CDIN1: variants seen among roughly 807,000 people sequenced by gnomAD.
The protein encoded by CDIN1 is CDAN1 interacting nuclease 1.
In CDIN1, 33 loss-of-function variants were observed where a neutral mutation model predicts 45.3. The observed-to-expected ratio is 0.73, with a 90% CI of 0.55 to 0.97. The LOEUF (loss-of-function observed/expected upper bound fraction) is 0.97. Among genes scored for constraint, CDIN1 ranks in the 50% least tolerant of loss-of-function variants. The pLI is 0.00. For synonymous variants in CDIN1, 118 were observed against 124.4 expected, an observed-to-expected ratio of 0.95 and a Z score of 0.34; for missense variants, 303 against 339.4, an observed-to-expected ratio of 0.89 and a Z score of 0.84.
At chr15:36,767,613 C>G (rs896787102) in intron 10 of CDIN1, among the ~76,000 whole-genome samples, 20 of 152,226 alleles carry the variant, frequency 1.3e-4, no homozygotes, top group Admixed American at 2.6e-4. Flanking sequence ...GCAAAGCCAC[C>G]TGGAAAGCTT....
intron 10 of CDIN1, among the ~76,000 whole-genome samples, chr15:36,761,876 AAT>A (rs2053772640): frequency 6.6e-6 from 1 of 152,192 alleles, no homozygotes; most frequent in African/African-American, 2.4e-5. Flanking sequence ...GAAAAAATAA[AAT>A]AGAGATTGCC....
chr15:36,675,049 C>T (rs894356128), intron 5 of CDIN1, among the ~76,000 whole-genome samples: 3 of 151,990 alleles, frequency 2.0e-5, no homozygotes, highest in Non-Finnish European at 4.4e-5. Context: ...GAAAGAAGTT[C>T]GTGAGGCCAC....
chr15:36,704,685 A>G (rs527502391), intron 8 of CDIN1: 2 of 152,174 alleles, frequency 1.3e-5, no homozygotes, highest in African/African-American at 2.4e-5. Context: ...AAGATGCACT[A>G]GGTGTTAATA....
chr15:36,611,068 A>G (rs896446162), intron 1 of CDIN1, among the ~76,000 whole-genome samples: 3 of 152,218 alleles, frequency 2.0e-5, no homozygotes, highest in African/African-American at 7.2e-5. Flanking sequence ...TATCTGCATA[A>G]CATTCTGTAG....
At chr15:36,623,822 G>A (rs925074228) in intron 1 of CDIN1, among the ~76,000 whole-genome samples, 2 of 152,186 alleles carry the variant, frequency 1.3e-5, no homozygotes, top group South Asian at 2.1e-4. Flanking sequence ...TGACATACTG[G>A]TTCTTGAAAG....
chr15:36,691,591 C>A, intron 5 of CDIN1, 94 bp from the exon 6 acceptor site: 1 of 713,652 alleles, frequency 1.4e-6, no homozygotes, highest in South Asian at 2.3e-5. Context: ...TTTTTGTTTT[C>A]ATGGTTTGTG....
At chr15:36,682,928 A>G (rs889932445) in intron 5 of CDIN1, among the ~76,000 whole-genome samples, 1 of 152,198 alleles carries the variant, frequency 6.6e-6, no homozygotes, top group Non-Finnish European at 1.5e-5. Flanking sequence ...AACAGACACA[A>G]TAACATGGGA....
At chr15:36,612,904 C>T (rs770448547) in intron 1 of CDIN1, among the ~76,000 whole-genome samples, 2 of 152,046 alleles carry the variant, frequency 1.3e-5, no homozygotes, top group East Asian at 1.9e-4. Flanking sequence ...CAGTATTTGT[C>T]GATATCTCTT....
At position 36,645,278 on chromosome 15, in the gene CDIN1, A is replaced by G. The variant is rs1472693896; in HGVS notation, c.203A>G (p.Tyr68Cys). The stretch of plus-strand genomic sequence containing the variant: ...CATACTTCGGAAGCAATTGAAAGTT[A>G]TTACCAGAGGTATGACCTTCCTGCC... ...KHHTSEAIES[Y>C]YQRYLNGVVK... The change falls in exon 3 of 11, where the codon TAT (tyrosine) becomes TGT (cysteine). Residue 68 changes from tyrosine to cysteine, a missense_variant. Physicochemically the swap from Tyr to Cys is radical, Grantham distance 194. Transcript: ENST00000566621. 1 of 1,552,516 alleles carries G rather than the reference A, an allele frequency of 6.4e-7. No homozygotes were observed. The highest frequency in any genetic ancestry group is 2.4e-5 in the East Asian group (1 of 41,226).
intron 5 of CDIN1, among the ~76,000 whole-genome samples, chr15:36,675,035 C>T (rs905903073): frequency 5.3e-5 from 8 of 152,030 alleles, no homozygotes; most frequent in African/African-American, 1.2e-4. Flanking sequence ...CCCCTCATAA[C>T]GAAGAAAGAA....
intron 10 of CDIN1, among the ~76,000 whole-genome samples, chr15:36,772,661 A>G (rs1284995858): frequency 6.6e-6 from 1 of 152,128 alleles, no homozygotes; most frequent in Non-Finnish European, 1.5e-5. Context: ...GCCCTGATAG[A>G]TACATACTGA....
chr15:36,684,616 C>T (rs1437356273), intron 5 of CDIN1, among the ~76,000 whole-genome samples: 1 of 151,582 alleles, frequency 6.6e-6, no homozygotes, highest in East Asian at 1.9e-4. Context: ...GGAGGATTCC[C>T]TCTTTTTCTA....
chr15:36,776,318 C>T (rs1225228713), intron 10 of CDIN1, among the ~76,000 whole-genome samples: 3 of 152,158 alleles, frequency 2.0e-5, no homozygotes, highest in Non-Finnish European at 4.4e-5. Flanking sequence ...GTGATAGAAT[C>T]ATGGTATGGG....
intron 10 of CDIN1, among the ~76,000 whole-genome samples, chr15:36,730,449 A>G (rs1052310805): frequency 3.9e-5 from 6 of 152,148 alleles, no homozygotes; most frequent in African/African-American, 1.2e-4. Flanking sequence ...TACCTTCTAC[A>G]TGATTTGTCT....
At chr15:36,711,463 G>T (rs1467829311) in intron 10 of CDIN1, among the ~76,000 whole-genome samples, 1 of 152,024 alleles carries the variant, frequency 6.6e-6, no homozygotes, top group African/African-American at 2.4e-5. Context: ...CCATTTAGAG[G>T]CTGATTAAAT....
chr15:36,621,867 G>A (rs1438437876), intron 1 of CDIN1, among the ~76,000 whole-genome samples: 2 of 114,354 alleles, frequency 1.7e-5, no homozygotes, highest in Non-Finnish European at 3.7e-5. Context: ...CTGACAACAA[G>A]TTCAGTTTTT....
chr15:36,749,751 G>A (rs2053408524), intron 10 of CDIN1, among the ~76,000 whole-genome samples: 1 of 152,194 alleles, frequency 6.6e-6, no homozygotes, highest in African/African-American at 2.4e-5. Flanking sequence ...TGGCCTACCT[G>A]TCCAAGTGTT....
intron 3 of CDIN1, among the ~76,000 whole-genome samples, chr15:36,653,544 A>C (rs947075866): frequency 2.0e-5 from 3 of 150,252 alleles, no homozygotes; most frequent in Non-Finnish European, 4.4e-5. Context: ...TTTCCAGTGG[A>C]GTGAGAGGAT....
chr15:36,647,023 CT>C (rs11433757), intron 3 of CDIN1, among the ~76,000 whole-genome samples: 96 of 122,274 alleles, frequency 7.9e-4, no homozygotes, highest in African/African-American at 2.5e-3. Flanking sequence ...AAATAAATAT[CT>C]TTTTTTTTTT....
Sources: gnomAD v4.1 joint callset for allele counts (sites outside exome capture counted in the v4.1 genomes callset) on GRCh38, gnomAD v4.1.1 for gene constraint, MANE v1.5 for transcripts, NCBI Gene and HGNC (gene_info 2026-07-23, HGNC 2026-07-21) for gene names.